MACC1: variants seen among roughly 807,000 people sequenced by gnomAD.
MACC1 encodes the protein metastasis-associated in colon cancer protein 1.
MACC1 carries 79 observed loss-of-function variants against 70.7 expected under a neutral mutation model. The observed-to-expected ratio is 1.12, with a 90% CI of 0.93 to 1.35. The LOEUF is 1.35. MACC1 is among the 40% of genes most tolerant of loss of function. MACC1 has a pLI of 0.00. For synonymous variants in MACC1, 361 were observed against 347.2 expected (o/e 1.04, Z -0.44); for missense variants, 1,106 against 978.1 (o/e 1.13, Z -1.74).
In MACC1 at chr7:20,135,019, G is replaced by A. The variant is rs1781701646; in HGVS notation, c.*5927C>T. Reference sequence around the variant, plus strand: ...AACACTTTCTAATTCTACAGTGAAAGCAGGGCATATAGATAGCTGTATTGA... The same window carrying A: ...AACACTTTCTAATTCTACAGTGAAAACAGGGCATATAGATAGCTGTATTGA... On this transcript the variant is annotated 3_prime_UTR_variant, in exon 7 of 7. Coordinates refer to ENST00000400331, the MANE Select transcript of MACC1 (RefSeq NM_182762.4). The A allele has an allele frequency of 6.6e-6, 1 of 152,208 alleles. No homozygotes were observed. The highest frequency in any genetic ancestry group is 2.4e-5 in the African/African-American group (1 of 41,464). 9.4% of individuals were successfully genotyped at this position (152,208 alleles called of 1,614,324 possible). A position where few individuals can be genotyped will look rare whatever the true frequency, so the allele number is the denominator to read the frequency against.
chr7:20,171,525 A>T (rs1177178663), intron 1 of MACC1, among the ~76,000 whole-genome samples: 1 of 150,510 alleles, frequency 6.6e-6, no homozygotes, highest in Non-Finnish European at 1.5e-5. Context: ...AAGTGCTGGG[A>T]TTACAGGCAT....
At chr7:20,201,281 G>T (rs1782830292) in intron 1 of MACC1, among the ~76,000 whole-genome samples, 1 of 152,224 alleles carries the variant, frequency 6.6e-6, no homozygotes, top group African/African-American at 2.4e-5. Flanking sequence ...AATGGGTTCT[G>T]AAGGTTGAGC....
intron 1 of MACC1, among the ~76,000 whole-genome samples, chr7:20,200,100 T>C (rs529465440): frequency 6.6e-6 from 1 of 152,070 alleles, no homozygotes; most frequent in South Asian, 2.1e-4. Flanking sequence ...CAGATGAAGA[T>C]AAATAAAATT....
At chr7:20,192,501 C>A (rs1782688228) in intron 1 of MACC1, among the ~76,000 whole-genome samples, 1 of 152,180 alleles carries the variant, frequency 6.6e-6, no homozygotes, top group African/African-American at 2.4e-5. Context: ...TTCTAGTCAT[C>A]CCCTCCCAAG....
At chr7:20,180,249 C>G (rs1428472959) in intron 1 of MACC1, among the ~76,000 whole-genome samples, 1 of 150,498 alleles carries the variant, frequency 6.6e-6, no homozygotes, top group African/African-American at 2.4e-5. Flanking sequence ...TTGAGACCAT[C>G]CTGGCCAACA....
At chr7:20,160,359 T>G in intron 4 of MACC1, 114 bp from the exon 5 acceptor site, 8 of 1,267,770 alleles carry the variant, frequency 6.3e-6, no homozygotes, top group Non-Finnish European at 8.5e-6. Context: ...TCATTTTTCT[T>G]TCTGATCTCT....
chr7:20,202,266 G>A (rs1782844527), intron 1 of MACC1, among the ~76,000 whole-genome samples: 2 of 152,156 alleles, frequency 1.3e-5, no homozygotes, highest in Non-Finnish European at 2.9e-5. Context: ...ACTTCTGTAA[G>A]TTCATTTTAT....
intron 1 of MACC1, among the ~76,000 whole-genome samples, chr7:20,208,477 T>C (rs1315044887): frequency 6.6e-6 from 1 of 152,200 alleles, no homozygotes; most frequent in African/African-American, 2.4e-5. Flanking sequence ...AGGTCACTCC[T>C]GGTATGTTTT....
chr7:20,172,502 T>G (rs1161497669), intron 1 of MACC1, among the ~76,000 whole-genome samples: 1 of 152,168 alleles, frequency 6.6e-6, no homozygotes, highest in African/African-American at 2.4e-5. Flanking sequence ...TATACACACA[T>G]ATATACACAC....
intron 1 of MACC1, among the ~76,000 whole-genome samples, chr7:20,189,091 C>T (rs1374741187): frequency 6.6e-6 from 1 of 152,126 alleles, no homozygotes; most frequent in Non-Finnish European, 1.5e-5. Flanking sequence ...AACACTCTTT[C>T]CCCTGATATG....
intron 1 of MACC1, among the ~76,000 whole-genome samples, chr7:20,192,047 A>AT (rs1782680472): frequency 6.6e-6 from 1 of 152,184 alleles, no homozygotes; most frequent in African/African-American, 2.4e-5. Flanking sequence ...AATATATTTA[A>AT]TATAACTCTA....
chr7:20,158,162 A>G (rs767508628), intron 5 of MACC1, 42 bp downstream of exon 5: 1 of 1,522,222 alleles, frequency 6.6e-7, no homozygotes, highest in South Asian at 1.3e-5. Flanking sequence ...AGTTAATACA[A>G]TTCTCGATGG....
At chr7:20,202,853 T>C (rs908974804) in intron 1 of MACC1, among the ~76,000 whole-genome samples, 2 of 152,246 alleles carry the variant, frequency 1.3e-5, no homozygotes, top group Non-Finnish European at 2.9e-5. Context: ...TGATTCAGTT[T>C]CAGTTATTCC....
chr7:20,165,197 G>C (rs1055303768), intron 2 of MACC1, among the ~76,000 whole-genome samples: 1 of 152,140 alleles, frequency 6.6e-6, no homozygotes, highest in African/African-American at 2.4e-5. Context: ...GTGGCACCAG[G>C]ATCACTTGGA....
At chr7:20,179,903 A>G (rs958588453) in intron 1 of MACC1, among the ~76,000 whole-genome samples, 2 of 152,074 alleles carry the variant, frequency 1.3e-5, no homozygotes, top group Admixed American at 6.5e-5. Flanking sequence ...ACCTTATCAC[A>G]CTGTATTTCT....
At chr7:20,201,431 A>G (rs1782831928) in intron 1 of MACC1, among the ~76,000 whole-genome samples, 1 of 152,158 alleles carries the variant, frequency 6.6e-6, no homozygotes, top group Admixed American at 6.5e-5. Flanking sequence ...CAAGCACTTC[A>G]GTAAGGCTGA....
At chr7:20,177,917 G>T (rs1782421825) in intron 1 of MACC1, among the ~76,000 whole-genome samples, 1 of 151,834 alleles carries the variant, frequency 6.6e-6, no homozygotes, top group Non-Finnish European at 1.5e-5. Flanking sequence ...CCTTTAAATA[G>T]TTGAGTTCCA....
chr7:20,143,140 G>A (rs1268243684), intron 6 of MACC1, among the ~76,000 whole-genome samples: 1 of 152,126 alleles, frequency 6.6e-6, no homozygotes, highest in Non-Finnish European at 1.5e-5. Flanking sequence ...ACTTTCATGG[G>A]AAGAAAAGCT....
Position 20,158,723 on chromosome 7 carries a change from T to C in MACC1, c.1638A>G (p.Lys546=). 1 of 1,613,922 alleles carries C rather than the reference T, an allele frequency of 6.2e-7. No homozygotes were observed. The highest frequency in any genetic ancestry group is 8.5e-7 in the Non-Finnish European group (1 of 1,179,994). ...ILVKYPTFQD[K]TLNFSNYGVT... ...CCCCATAGTTGCTAAAGTTCAATGT[T>C]TTATCTTGAAATGTAGGATATTTAA... The change falls in exon 5 of 7, where the codon AAA becomes AAG. Residue 546 remains lysine (K), a synonymous_variant. Coordinates refer to ENST00000400331, the MANE Select transcript of MACC1 (RefSeq NM_182762.4).
Sources: gnomAD v4.1 joint callset for allele counts (sites outside exome capture counted in the v4.1 genomes callset) on GRCh38, gnomAD v4.1.1 for gene constraint, MANE v1.5 for transcripts, NCBI Gene and HGNC (gene_info 2026-07-23, HGNC 2026-07-21) for gene names.